The following AFAP1L2 variants were observed in gnomAD, a reference collection of about 807,000 sequenced individuals.
AFAP1L2 encodes actin filament associated protein 1 like 2.
AFAP1L2 carries 46 observed loss-of-function variants against 99.3 expected under a neutral mutation model. The observed-to-expected ratio is 0.46, with a 90% confidence interval of 0.37 to 0.59. AFAP1L2 has a LOEUF of 0.59. AFAP1L2 is among the 20% of genes least tolerant of loss of function. AFAP1L2 has a pLI of 0.00. For synonymous variants in AFAP1L2, 397 were observed against 419.1 expected (o/e 0.95, Z 0.64); for missense variants, 959 against 1,034.9 (o/e 0.93, Z 1.01).
At chr10:114,402,458 CA>C (rs543211250) in intron 1 of AFAP1L2, among the ~76,000 whole-genome samples, 1 of 152,148 alleles carries the variant, frequency 6.6e-6, no homozygotes, top group African/African-American at 2.4e-5. Flanking sequence ...TCTCATGAGT[CA>C]AACACTGGAA....
chr10:114,290,208 C>T (rs1034091884), downstream of AFAP1L2: 18 of 1,549,012 alleles, frequency 1.2e-5, no homozygotes, highest in East Asian at 4.9e-5. Flanking sequence ...CATGCCTGGC[C>T]GGCCTGGTGG....
chr10:114,307,197 C>T (rs2134337926), intron 10 of AFAP1L2, among the ~76,000 whole-genome samples: 1 of 152,238 alleles, frequency 6.6e-6, no homozygotes, highest in South Asian at 2.1e-4. Flanking sequence ...ATACCCTCTG[C>T]ACCAGTACAG....
intron 2 of AFAP1L2, among the ~76,000 whole-genome samples, chr10:114,337,652 C>T (rs1411694272): frequency 6.6e-6 from 1 of 152,162 alleles, no homozygotes; most frequent in African/African-American, 2.4e-5. Context: ...ACAAAAAGGT[C>T]ATCCTACAGG....
intron 4 of AFAP1L2, among the ~76,000 whole-genome samples, chr10:114,325,585 C>A (rs960460027): frequency 2.0e-5 from 3 of 152,216 alleles, no homozygotes; most frequent in Non-Finnish European, 2.9e-5. Flanking sequence ...ATAAGCAAAC[C>A]CGACACTGTA....
At chr10:114,404,240 G>C (rs919393861) in intron 1 of AFAP1L2, among the ~76,000 whole-genome samples, 200 bp downstream of exon 1, 2 of 152,130 alleles carry the variant, frequency 1.3e-5, no homozygotes, top group African/African-American at 4.8e-5. Flanking sequence ...CAAAGGGCTC[G>C]GGCCGCAGCA....
intron 9 of AFAP1L2, among the ~76,000 whole-genome samples, chr10:114,308,165 T>A (rs1297995769): frequency 6.6e-6 from 1 of 152,204 alleles, no homozygotes; most frequent in Non-Finnish European, 1.5e-5. Flanking sequence ...CACTTGAGAA[T>A]CTTTACACAC....
chr10:114,304,529 G>C (rs1373562740), intron 11 of AFAP1L2, among the ~76,000 whole-genome samples, 190 bp downstream of exon 11: 1 of 152,146 alleles, frequency 6.6e-6, no homozygotes. Context: ...CTCTTATAAC[G>C]CAACTACTCT....
intron 1 of AFAP1L2, among the ~76,000 whole-genome samples, chr10:114,364,703 AC>A (rs2052947762): frequency 1.3e-5 from 2 of 152,238 alleles, no homozygotes; most frequent in East Asian, 3.9e-4. Flanking sequence ...ATACAGTTCA[AC>A]CCACAACAGG....
intron 1 of AFAP1L2, among the ~76,000 whole-genome samples, chr10:114,348,619 C>A (rs1410352438): frequency 2.0e-5 from 3 of 152,252 alleles, no homozygotes. Context: ...CTCAAAGGCA[C>A]CTCACTGCTG....
intron 4 of AFAP1L2, among the ~76,000 whole-genome samples, chr10:114,323,987 G>A (rs1357600867): frequency 6.6e-6 from 1 of 152,200 alleles, no homozygotes; most frequent in Non-Finnish European, 1.5e-5. Context: ...AGATGACCCT[G>A]AGCTTATGTG....
At chr10:114,303,204 C>T (rs2134098822) in intron 11 of AFAP1L2, among the ~76,000 whole-genome samples, 1 of 134,114 alleles carries the variant, frequency 7.5e-6, no homozygotes. Context: ...GGAAAATCAG[C>T]CCCCTTTGGT....
At chr10:114,394,140 G>A (rs979716790) in intron 1 of AFAP1L2, among the ~76,000 whole-genome samples, 13 of 152,088 alleles carry the variant, frequency 8.5e-5, no homozygotes, top group African/African-American at 2.4e-4. Flanking sequence ...GCACTGTGCC[G>A]GGGGGACGAC....
intron 1 of AFAP1L2, among the ~76,000 whole-genome samples, chr10:114,385,112 G>C (rs1468120862): frequency 1.3e-5 from 2 of 152,158 alleles, no homozygotes; most frequent in African/African-American, 2.4e-5. Context: ...GTGAAGGTGG[G>C]TGTGATCGGG....
At chr10:114,300,135 C>T (rs867726340) in intron 15 of AFAP1L2, 59 bp downstream of exon 15, 5 of 1,611,098 alleles carry the variant, frequency 3.1e-6, no homozygotes, top group Middle Eastern at 3.4e-4. Context: ...AGTTCTGTCC[C>T]TCTAGAGAAC....
At chr10:114,285,022 C>T in the AFAP1L2 span, 14 of 1,427,040 alleles carry the variant, frequency 9.8e-6, no homozygotes, top group Middle Eastern at 1.9e-4. Flanking sequence ...AAGAAGAGGA[C>T]GGGCTCCCCT....
At chr10:114,397,080 G>A (rs774135025) in intron 1 of AFAP1L2, among the ~76,000 whole-genome samples, 6 of 151,524 alleles carry the variant, frequency 4.0e-5, no homozygotes, top group Non-Finnish European at 8.8e-5. Flanking sequence ...AACTGCTAGA[G>A]TGTTTTTAAA....
intron 1 of AFAP1L2, among the ~76,000 whole-genome samples, chr10:114,355,584 C>A (rs962133181): frequency 2.6e-5 from 4 of 151,694 alleles, no homozygotes; most frequent in Non-Finnish European, 4.4e-5. Flanking sequence ...TTGCTGTGAA[C>A]TTAAAACTGC....
At chr10:114,290,495 C>A, downstream of AFAP1L2, 1 of 1,318,652 alleles carries the variant, frequency 7.6e-7, no homozygotes, top group South Asian at 1.4e-5. Flanking sequence ...AGTCGTTTAC[C>A]CACGAAACAT....
intron 4 of AFAP1L2, among the ~76,000 whole-genome samples, chr10:114,324,147 A>G (rs1439934909): frequency 6.6e-6 from 1 of 152,238 alleles, no homozygotes; most frequent in East Asian, 1.9e-4. Flanking sequence ...CTACCTTTAT[A>G]AACAACCATG....
Sources: gnomAD v4.1 joint callset for allele counts (sites outside exome capture counted in the v4.1 genomes callset) on GRCh38, gnomAD v4.1.1 for gene constraint, MANE v1.5 for transcripts, NCBI Gene and HGNC (gene_info 2026-07-23, HGNC 2026-07-21) for gene names.